Variants in GPHN observed in about 807,000 individuals in gnomAD.
GPHN encodes the protein gephyrin.
In GPHN, 17 loss-of-function variants were observed where a neutral mutation model predicts 95.5. The observed-to-expected ratio is 0.18, with a 90% CI of 0.12 to 0.27. GPHN has a LOEUF of 0.27. Among genes scored for constraint, GPHN ranks in the 10% least tolerant of loss-of-function variants. The probability of loss-of-function intolerance (pLI) is 1.00; values close to 1 mark genes in which losing one functional copy is unlikely to be tolerated. For missense variants in GPHN, 660 were observed against 978.1 expected (o/e 0.67, Z 4.34); for synonymous variants, 320 against 322.5 (o/e 0.99, Z 0.08).
the GPHN span, among the ~76,000 whole-genome samples, chr14:67,635,983 CAG>C: frequency 3.3e-5 from 5 of 152,150 alleles, no homozygotes; most frequent in Non-Finnish European, 5.9e-5. Context: ...AGTGAGGATG[CAG>C]AGTCTTTGTT....
At chr14:66,908,159 G>A (rs907492976) in intron 5 of GPHN, among the ~76,000 whole-genome samples, 3 of 151,614 alleles carry the variant, frequency 2.0e-5, no homozygotes, top group Non-Finnish European at 4.4e-5. Context: ...ATTACCATTT[G>A]GCAATAAAAG....
intron 4 of GPHN, among the ~76,000 whole-genome samples, chr14:66,837,701 A>G (rs2061907935): frequency 6.6e-6 from 1 of 151,600 alleles, no homozygotes. Context: ...CAGTAGCACT[A>G]AAGAGGGAAG....
chr14:66,542,469 A>G (rs1010931249), intron 1 of GPHN, among the ~76,000 whole-genome samples: 1 of 152,112 alleles, frequency 6.6e-6, no homozygotes, highest in Non-Finnish European at 1.5e-5. Context: ...CTACCCATCT[A>G]CCACCATCTC....
At chr14:66,808,088 T>C (rs1485490979) in intron 3 of GPHN, among the ~76,000 whole-genome samples, 2 of 152,250 alleles carry the variant, frequency 1.3e-5, no homozygotes, top group East Asian at 3.8e-4. Flanking sequence ...GGAATGTAAA[T>C]AGTGACAGCA....
chr14:66,550,413 T>G (rs1006256531), intron 1 of GPHN, among the ~76,000 whole-genome samples: 1 of 152,180 alleles, frequency 6.6e-6, no homozygotes, highest in Non-Finnish European at 1.5e-5. Context: ...AAAACTGGAA[T>G]GGATGAAGAG....
At chr14:66,631,339 G>A (rs769903503) in intron 1 of GPHN, among the ~76,000 whole-genome samples, 5 of 152,134 alleles carry the variant, frequency 3.3e-5, no homozygotes, top group East Asian at 1.9e-4. Context: ...GAGCCACTGC[G>A]CCCGGCCGGC....
intron 10 of GPHN, among the ~76,000 whole-genome samples, chr14:67,045,777 GTC>G (rs563944184): frequency 3.4e-5 from 5 of 148,254 alleles, no homozygotes; most frequent in African/African-American, 1.0e-4. Flanking sequence ...CTCTGTCACT[GTC>G]TCTCTCTCTG....
At chr14:67,259,160 T>C in the GPHN span, among the ~76,000 whole-genome samples, 1 of 151,710 alleles carries the variant, frequency 6.6e-6, no homozygotes, top group Non-Finnish European at 1.5e-5. Flanking sequence ...ACTTTTAACA[T>C]TGTCATAAAT....
intron 10 of GPHN, among the ~76,000 whole-genome samples, chr14:67,044,460 G>T (rs796228114): frequency 6.6e-6 from 1 of 152,060 alleles, no homozygotes; most frequent in Non-Finnish European, 1.5e-5. Context: ...TTCTTTCCAG[G>T]TGAAGTAGAA....
downstream of GPHN, among the ~76,000 whole-genome samples, chr14:67,182,084 C>G (rs191486980): frequency 6.6e-6 from 1 of 151,958 alleles, no homozygotes; most frequent in Non-Finnish European, 1.5e-5. Context: ...AGGAAGGGTA[C>G]TAATGACTTA....
At chr14:67,070,066 A>C (rs1470868029) in intron 11 of GPHN, among the ~76,000 whole-genome samples, 2 of 152,002 alleles carry the variant, frequency 1.3e-5, no homozygotes, top group Non-Finnish European at 2.9e-5. Context: ...TTTTTCCATG[A>C]ATGTGGCCTC....
the GPHN span, among the ~76,000 whole-genome samples, chr14:67,523,690 A>C: frequency 2.0e-5 from 3 of 152,262 alleles, no homozygotes; most frequent in East Asian, 5.8e-4. Flanking sequence ...CTTTGGCTCA[A>C]GATTGACCAG....
the GPHN span, chr14:67,678,415 T>C: frequency 6.2e-7 from 1 of 1,610,526 alleles, no homozygotes; most frequent in African/African-American, 1.3e-5. Flanking sequence ...CCATGCCACA[T>C]GACAGTCACT....
intron 10 of GPHN, among the ~76,000 whole-genome samples, chr14:67,040,904 A>C (rs182377158): frequency 6.6e-6 from 1 of 152,288 alleles, no homozygotes; most frequent in East Asian, 1.9e-4. Context: ...AGATTTCTCC[A>C]CTGTAGTTAA....
chr14:66,574,407 C>A (rs2060822412), intron 1 of GPHN, among the ~76,000 whole-genome samples: 1 of 152,126 alleles, frequency 6.6e-6, no homozygotes, highest in Admixed American at 6.5e-5. Flanking sequence ...TTATAACTTT[C>A]ATACTGTAGT....
intron 4 of GPHN, among the ~76,000 whole-genome samples, chr14:66,844,174 G>A (rs901892454): frequency 2.0e-5 from 3 of 151,858 alleles, no homozygotes; most frequent in Admixed American, 6.6e-5. Context: ...CATAGTTTAC[G>A]TAATACCAGT....
chr14:67,461,977 G>C, the GPHN span, among the ~76,000 whole-genome samples: 4 of 152,260 alleles, frequency 2.6e-5, no homozygotes, highest in Non-Finnish European at 4.4e-5. Flanking sequence ...TGTCCCTGGA[G>C]CTGCCCAGTG....
intron 1 of GPHN, among the ~76,000 whole-genome samples, chr14:66,613,807 A>G (rs1029888848): frequency 6.6e-6 from 1 of 152,170 alleles, no homozygotes; most frequent in Non-Finnish European, 1.5e-5. Flanking sequence ...TAGCATCCAT[A>G]CTTTATAAGA....
chr14:67,377,266 C>T, the GPHN span, among the ~76,000 whole-genome samples: 3 of 152,190 alleles, frequency 2.0e-5, no homozygotes, highest in Non-Finnish European at 4.4e-5. Context: ...CCTGCCTTCT[C>T]TGTACTTGTA....
Sources: allele counts gnomAD v4.1 joint callset (sites outside exome capture counted in the v4.1 genomes callset), GRCh38; gene constraint gnomAD v4.1.1; transcripts MANE v1.5; gene names NCBI Gene and HGNC (gene_info 2026-07-23, HGNC 2026-07-21).